Variants in PCBP3 observed in about 807,000 individuals in gnomAD.
PCBP3 encodes the protein poly(rC) binding protein 3.
Under a neutral mutation model 52.7 loss-of-function variants are expected in PCBP3, and 25 were observed. That is an observed-to-expected ratio of 0.47 (90% confidence interval 0.35 to 0.66). PCBP3 has a LOEUF of 0.66. Among genes scored for constraint, PCBP3 ranks in the 30% least tolerant of loss-of-function variants. The pLI, the probability that PCBP3 is intolerant of heterozygous loss-of-function variation, is 0.01. For missense variants in PCBP3, 391 were observed against 490.3 expected (o/e 0.80, Z 1.91); for synonymous variants, 162 against 183.0 (o/e 0.89, Z 0.93).
intron 15 of PCBP3, 75 bp from the exon 16 acceptor site, chr21:45,935,178 A>C: frequency 1.0e-6 from 1 of 998,428 alleles, no homozygotes; most frequent in Non-Finnish European, 1.6e-6. Flanking sequence ...GACCCAGGAG[A>C]GTGAGGGACA....
intron 2 of PCBP3, among the ~76,000 whole-genome samples, chr21:45,713,837 G>T (rs1381412558): frequency 6.6e-6 from 1 of 152,192 alleles, no homozygotes; most frequent in African/African-American, 2.4e-5. Context: ...CAGTGCTGTT[G>T]TCTTGGCCCT....
chr21:45,696,079 C>CAA (rs71185164), intron 2 of PCBP3, among the ~76,000 whole-genome samples: 425 of 39,578 alleles, frequency 0.011, 26 homozygotes, highest in African/African-American at 0.022. Flanking sequence ...GACTCTGTCT[C>CAA]AAAAAAAAAA....
intron 1 of PCBP3, among the ~76,000 whole-genome samples, chr21:45,651,880 G>A (rs2079707574): frequency 6.6e-6 from 1 of 152,178 alleles, no homozygotes; most frequent in Non-Finnish European, 1.5e-5. Flanking sequence ...GGTTGGGATA[G>A]GACAGAACTA....
At chr21:45,845,503 C>T (rs7283124) in intron 4 of PCBP3, among the ~76,000 whole-genome samples, 69 of 149,316 alleles carry the variant, frequency 4.6e-4, no homozygotes, top group African/African-American at 1.6e-3. Flanking sequence ...TAAGCACCCG[C>T]GTGTACACGT....
At chr21:45,677,672 T>A (rs148512904) in intron 2 of PCBP3, among the ~76,000 whole-genome samples, 2 of 152,300 alleles carry the variant, frequency 1.3e-5, no homozygotes, top group African/African-American at 4.8e-5. Flanking sequence ...GGCCGACTCT[T>A]TTGTTAGGGC....
chr21:45,911,132 C>T (rs2096381816), intron 11 of PCBP3, 102 bp downstream of exon 11: 1 of 1,355,694 alleles, frequency 7.4e-7, no homozygotes, highest in African/African-American at 1.4e-5. Context: ...AGGACTCACA[C>T]AGTTGGGGCT....
At chr21:45,923,769 A>G (rs760451631) in intron 13 of PCBP3, among the ~76,000 whole-genome samples, 5 of 152,228 alleles carry the variant, frequency 3.3e-5, no homozygotes, top group Non-Finnish European at 7.3e-5. Flanking sequence ...AATAAACTCG[A>G]CCTGGAACAG....
chr21:45,863,584 C>T (rs576246865), intron 5 of PCBP3, among the ~76,000 whole-genome samples: 96 of 152,364 alleles, frequency 6.3e-4, no homozygotes, highest in Non-Finnish European at 1.0e-3. Context: ...GCCCATGTCA[C>T]GCGGCTCCCG....
intron 8 of PCBP3, 30 bp from the exon 9 acceptor site, chr21:45,900,967 G>A: frequency 6.5e-7 from 1 of 1,540,438 alleles, no homozygotes; most frequent in Non-Finnish European, 9.0e-7. Context: ...TTTTAATCAG[G>A]TCGCTGGGGT....
chr21:45,655,137 T>A (rs2079931943), intron 1 of PCBP3, among the ~76,000 whole-genome samples: 2 of 152,150 alleles, frequency 1.3e-5, no homozygotes, highest in African/African-American at 4.8e-5. Flanking sequence ...TCGGTTGTTT[T>A]TTGGCTGTTA....
intron 5 of PCBP3, chr21:45,858,249 G>A (rs1329227209): frequency 1.3e-5 from 2 of 152,266 alleles, no homozygotes; most frequent in Non-Finnish European, 2.9e-5. Context: ...TAGGACTTTC[G>A]TATTTGAAGG....
intron 17 of PCBP3, 133 bp from the exon 18 acceptor site, chr21:45,941,537 C>T (rs990019888): frequency 8.5e-5 from 61 of 714,468 alleles, no homozygotes; most frequent in Non-Finnish European, 1.4e-4. Flanking sequence ...GTCTCCAGCT[C>T]AGGACCTCCT....
At chr21:45,744,425 G>T (rs1269554954) in intron 3 of PCBP3, 1 of 152,020 alleles carries the variant, frequency 6.6e-6, no homozygotes, top group Admixed American at 6.5e-5. Context: ...CAAACTCCTT[G>T]GCCTCAAGTG....
At chr21:45,905,585 TC>T (rs1422939397) in intron 9 of PCBP3, among the ~76,000 whole-genome samples, 2 of 152,208 alleles carry the variant, frequency 1.3e-5, no homozygotes, top group African/African-American at 4.8e-5. Flanking sequence ...TCTCTCACAG[TC>T]CAGGAGGCTG....
intron 4 of PCBP3, among the ~76,000 whole-genome samples, chr21:45,826,497 T>C (rs748683886): frequency 7.2e-5 from 11 of 152,210 alleles, no homozygotes; most frequent in Non-Finnish European, 1.6e-4. Context: ...TGAAGTACTC[T>C]GTGGTGACGT....
intron 1 of PCBP3, among the ~76,000 whole-genome samples, chr21:45,644,814 C>A (rs1421960660): frequency 6.6e-6 from 1 of 152,162 alleles, no homozygotes; most frequent in Non-Finnish European, 1.5e-5. Flanking sequence ...TAGACTCCCC[C>A]CATTTCAAAA....
At chr21:45,789,250 T>TG (rs1408534686) in intron 4 of PCBP3, among the ~76,000 whole-genome samples, 1 of 151,982 alleles carries the variant, frequency 6.6e-6, no homozygotes, top group Non-Finnish European at 1.5e-5. Context: ...TGTGTGCACG[T>TG]GTGTGTGTGA....
At chr21:45,831,771 C>T (rs1398970459) in intron 4 of PCBP3, among the ~76,000 whole-genome samples, 3 of 152,284 alleles carry the variant, frequency 2.0e-5, no homozygotes, top group South Asian at 2.1e-4. Flanking sequence ...AGTGCAGTGG[C>T]GCAAATGTGG....
rs1002971088 is a variant in PCBP3, at chr21:45,861,582, G to A, written c.10+11487G>A. Among the ~76,000 whole-genome samples the A allele has an allele frequency of 9.9e-5, 15 of 152,156 alleles. No individual in the cohort carries two copies. The South Asian group carries it at 1.7e-3, about 17-fold the overall frequency. On this transcript the variant is annotated intron_variant, in intron 5 of 17. Transcript: ENST00000681687. ...TAGTCAGCAGTGCCAGATGCAGAGC[G>A]AGAGTTGTCTTAATGTGGCCACCGT...
Sources: allele counts gnomAD v4.1 joint callset (sites outside exome capture counted in the v4.1 genomes callset), GRCh38; gene constraint gnomAD v4.1.1; transcripts MANE v1.5; gene names NCBI Gene and HGNC (gene_info 2026-07-23, HGNC 2026-07-21).